The following CILK1 variants were observed in gnomAD, a reference collection of about 807,000 sequenced individuals.
CILK1 encodes ciliogenesis associated kinase 1, also known as serine/threonine-protein kinase ICK.
CILK1 carries 47 observed loss-of-function variants against 79.2 expected under a neutral mutation model. The ratio of observed to expected loss-of-function variants is 0.59; its 90% CI spans 0.47 to 0.76. The LOEUF (loss-of-function observed/expected upper bound fraction) is 0.76. Ranked by LOEUF, CILK1 falls within the 30% of genes least tolerant of loss-of-function variation. CILK1 has a pLI of 0.00. For synonymous variants in CILK1, 266 were observed against 275.9 expected, an observed-to-expected ratio of 0.96 and a Z score of 0.36; for missense variants, 660 against 769.5, an observed-to-expected ratio of 0.86 and a Z score of 1.68.
chr6:53,015,890 G>A (rs1490742661), intron 8 of CILK1, 193 bp downstream of exon 8: 1 of 584,960 alleles, frequency 1.7e-6, no homozygotes, highest in East Asian at 3.0e-5. Context: ...CAACTATATT[G>A]TTTACATTGT....
intron 1 of CILK1, among the ~76,000 whole-genome samples, chr6:53,047,821 G>C (rs1767201616): frequency 6.6e-6 from 1 of 151,866 alleles, no homozygotes; most frequent in African/African-American, 2.4e-5. Flanking sequence ...AGATACAACA[G>C]GAGACTATGG....
At chr6:53,055,793 T>C (rs567859822) in intron 1 of CILK1, among the ~76,000 whole-genome samples, 86 of 152,320 alleles carry the variant, frequency 5.6e-4, no homozygotes, top group Admixed American at 7.8e-4. Flanking sequence ...CACTTGCAGA[T>C]GATTTTTAAA....
At chr6:53,019,127 T>C (rs1581698371) in intron 6 of CILK1, 100 bp downstream of exon 6, 1 of 1,124,878 alleles carries the variant, frequency 8.9e-7, no homozygotes. Flanking sequence ...CTGTTTCTCT[T>C]AGTGAAAAGT....
chr6:53,056,853 T>C (rs1767915443), intron 1 of CILK1, among the ~76,000 whole-genome samples: 1 of 152,184 alleles, frequency 6.6e-6, no homozygotes, highest in Non-Finnish European at 1.5e-5. Context: ...CTCACTGTCA[T>C]CCCGTCACGC....
intron 13 of CILK1, among the ~76,000 whole-genome samples, 188 bp from the exon 14 acceptor site, chr6:53,005,491 G>C (rs1248559784): frequency 6.6e-6 from 1 of 152,136 alleles, no homozygotes; most frequent in Admixed American, 6.5e-5. Context: ...AAAAATAATG[G>C]CATCATTCTT....
intron 5 of CILK1, among the ~76,000 whole-genome samples, chr6:53,021,004 A>G (rs1439328958): frequency 6.6e-6 from 1 of 152,076 alleles, no homozygotes; most frequent in East Asian, 1.9e-4. Context: ...CAGTTATGAG[A>G]TTGTGTCGTA....
Position 53,011,817 on chromosome 6 carries a change from T to C in CILK1, c.1444A>G (p.Arg482Gly), listed in dbSNP as rs1020412147. 1.9e-6 allele frequency: 3 copies of C among 1,614,160 alleles called. No individual in the cohort carries two copies. Among genetic ancestry groups the C allele is most frequent in the Non-Finnish European group, 2.5e-6 (3 of 1,180,024 alleles). Residue 482 changes from arginine to glycine, a missense_variant, in exon 11 of 14, where the codon AGA (arginine) becomes GGA (glycine). Physicochemically the swap from Arg to Gly is moderately radical, Grantham distance 125. Transcript: ENST00000676107. ...AAATAGTGCTGCTTGGCTGCAGATC[T>C]CAGGGTGGGCGTGTCTCGCCGCTGA... ...SYQRRDTPTL[R>G]SAAKQHYLKH...
chr6:53,045,075 A>G (rs1258300492), intron 1 of CILK1, among the ~76,000 whole-genome samples: 2 of 151,920 alleles, frequency 1.3e-5, no homozygotes, highest in African/African-American at 2.4e-5. Flanking sequence ...AAATGGTAGA[A>G]GAAGGGAAAT....
chr6:53,024,696 T>C (rs1315302279), intron 5 of CILK1, among the ~76,000 whole-genome samples: 2 of 152,228 alleles, frequency 1.3e-5, no homozygotes, highest in Admixed American at 6.5e-5. Flanking sequence ...AAGCATCATT[T>C]TCTTACTCCA....
chr6:53,008,919 A>T (rs1336875464), intron 12 of CILK1, among the ~76,000 whole-genome samples: 1 of 152,224 alleles, frequency 6.6e-6, no homozygotes, highest in East Asian at 1.9e-4. Flanking sequence ...AAACGTCTCT[A>T]CTGTGAACAG....
In CILK1 at chr6:53,041,319, A is replaced by G. The variant is rs1322050719; in HGVS notation, c.-83T>C. The G allele has an allele frequency of 4.2e-6, 4 of 941,910 alleles. No individual in the cohort carries two copies. In the African/African-American group the frequency reaches 6.4e-5, roughly 15 times the overall value. The allele number at this position is 941,910 out of a possible 1,614,324, so 58.3% of individuals were successfully genotyped here. A position where few individuals can be genotyped will look rare whatever the true frequency, so the allele number is the denominator to read the frequency against. ...TGGTAGCAGTCCTCCCCAGAGTGTA[A>G]CCAGATTTTTCGATGGCAGCACCAG... On this transcript the variant is annotated 5_prime_UTR_variant, in exon 2 of 14. Transcript: ENST00000676107.
At chr6:53,030,226 G>T (rs925276428) in intron 5 of CILK1, among the ~76,000 whole-genome samples, 4 of 152,174 alleles carry the variant, frequency 2.6e-5, no homozygotes, top group Non-Finnish European at 5.9e-5. Context: ...GGCCCCCGTA[G>T]AAATGTTTTC....
At chr6:53,033,743 C>T (rs372191581) in intron 3 of CILK1, among the ~76,000 whole-genome samples, 3 of 152,204 alleles carry the variant, frequency 2.0e-5, no homozygotes, top group South Asian at 4.2e-4. Context: ...AACAAATATC[C>T]TCATCTAGAA....
chr6:53,012,331 TGGG>T (rs1764622992), intron 9 of CILK1, 104 bp from the exon 10 acceptor site: 11 of 1,033,240 alleles, frequency 1.1e-5, no homozygotes, highest in Admixed American at 3.9e-5. Context: ...AGGAGGCTCC[TGGG>T]GCATAACATT....
rs111829021 is a variant in CILK1, at chr6:53,013,599, A to G, written c.1152+63T>C. ...TACTGAAAAAGAAAATATTTCACAC[A>G]ATAATGGGGTCAGAAGAGGAATAAA... On this transcript the variant is annotated intron_variant, in intron 9 of 13. Coordinates refer to ENST00000676107, the MANE Select transcript of CILK1 (RefSeq NM_014920.5). The G allele has an allele frequency of 3.1e-4, 450 of 1,472,332 alleles. 2 individuals carry two copies. In the African/African-American group the frequency reaches 5.2e-3, roughly 17 times the overall value. The allele number at this position is 1,472,332 out of a possible 1,614,324, so 91.2% of individuals were successfully genotyped here. A position where few individuals can be genotyped will look rare whatever the true frequency, so the allele number is the denominator to read the frequency against.
chr6:53,041,088 G>T, intron 2 of CILK1, 48 bp downstream of exon 2: 2 of 1,246,272 alleles, frequency 1.6e-6, no homozygotes, highest in South Asian at 2.4e-5. Context: ...GACGGGTAAT[G>T]GTGAGGGTAG....
At chr6:53,038,385 G>A (rs1184386387) in intron 2 of CILK1, among the ~76,000 whole-genome samples, 1 of 152,118 alleles carries the variant, frequency 6.6e-6, no homozygotes, top group Non-Finnish European at 1.5e-5. Flanking sequence ...TGTGGCTACC[G>A]AGCACTTTGG....
At chr6:53,015,537 G>GA (rs1315562646) in intron 8 of CILK1, among the ~76,000 whole-genome samples, 1 of 152,158 alleles carries the variant, frequency 6.6e-6, no homozygotes, top group Non-Finnish European at 1.5e-5. Flanking sequence ...TCACAGAATT[G>GA]AAAACAATAA....
intron 1 of CILK1, among the ~76,000 whole-genome samples, chr6:53,049,060 GGGT>G (rs1767300159): frequency 6.6e-6 from 1 of 152,232 alleles, no homozygotes; most frequent in African/African-American, 2.4e-5. Context: ...CAGCTGCAGA[GGGT>G]GTATTCATAG....
Sources: gnomAD v4.1 joint callset for allele counts (sites outside exome capture counted in the v4.1 genomes callset) on GRCh38, gnomAD v4.1.1 for gene constraint, MANE v1.5 for transcripts, NCBI Gene and HGNC (gene_info 2026-07-23, HGNC 2026-07-21) for gene names.